Variants in C6 observed in about 807,000 individuals in gnomAD.
C6 encodes the protein complement component C6.
C6 carries 101 observed loss-of-function variants against 112.9 expected under a neutral mutation model. The observed-to-expected ratio is 0.89, with a 90% CI of 0.76 to 1.06. The LOEUF (loss-of-function observed/expected upper bound fraction) is 1.06, where lower values mean the gene tolerates loss of function less well. Among genes scored for constraint, C6 ranks in the 50% least tolerant of loss-of-function variants. The pLI is 0.00. For synonymous variants in C6, 431 were observed against 384.1 expected, an observed-to-expected ratio of 1.12 and a Z score of -1.43; for missense variants, 1,202 against 1,104.6, an observed-to-expected ratio of 1.09 and a Z score of -1.25.
intron 1 of C6, among the ~76,000 whole-genome samples, chr5:41,256,105 A>G (rs1008090438): frequency 6.6e-6 from 1 of 152,172 alleles, no homozygotes; most frequent in Non-Finnish European, 1.5e-5. Flanking sequence ...ATGTCCCTAC[A>G]AAGGACATGA....
At chr5:41,154,787 G>A (rs981450262) in intron 14 of C6, among the ~76,000 whole-genome samples, 185 bp downstream of exon 14, 7 of 152,146 alleles carry the variant, frequency 4.6e-5, no homozygotes, top group African/African-American at 1.7e-4. Flanking sequence ...GAAATATGGA[G>A]ATAATCTGGA....
At position 41,149,981 on chromosome 5, in the gene C6, G is replaced by T. The variant is rs754529564; in HGVS notation, c.2335C>A (p.Gln779Lys). The change falls in exon 16 of 18, where the codon CAA (glutamine) becomes AAA (lysine). Residue 779 changes from glutamine to lysine, a missense_variant. Physicochemically the swap from Gln to Lys is moderately conservative, Grantham distance 53. Coordinates refer to ENST00000337836, the MANE Select transcript of C6 (RefSeq NM_000065.5). ...LKGHCQLGQK[Q>K]SGSECICMSP... Reference sequence around the variant, plus strand: ...ATACAAATGCATTCAGATCCTGATTGTTTCTGTCCCAGCTGACAATGGCCT... The same window carrying T: ...ATACAAATGCATTCAGATCCTGATTTTTTCTGTCCCAGCTGACAATGGCCT... 1 of 1,613,186 alleles carries T rather than the reference G, an allele frequency of 6.2e-7. No individual in the cohort carries two copies. The highest frequency in any genetic ancestry group is 8.5e-7 in the Non-Finnish European group (1 of 1,179,304).
In C6 at chr5:41,178,443, T is replaced by G. The variant is rs531818193; in HGVS notation, c.928-1728A>C. ...AAGACTAAGAGAGGCTTCAGTAGTATTTTCTTTTTTCTTTTTCTTTTTCTT... is the reference window on the plus strand; with the variant it reads ...AAGACTAAGAGAGGCTTCAGTAGTAGTTTCTTTTTTCTTTTTCTTTTTCTT... On this transcript the variant is annotated intron_variant, in intron 7 of 17. Transcript: ENST00000337836. Among the ~76,000 whole-genome samples, 143 of 143,424 alleles carry G rather than the reference T, an allele frequency of 1.0e-3. 1 individual carries two copies. The highest frequency in any genetic ancestry group is 1.7e-3 in the Non-Finnish European group (115 of 67,624). The allele number at this position is 143,424 out of a possible 152,430, so 94.1% of individuals were successfully genotyped here.
chr5:41,157,435 G>A (rs1561103140), intron 13 of C6, among the ~76,000 whole-genome samples: 3 of 152,176 alleles, frequency 2.0e-5, no homozygotes, highest in African/African-American at 4.8e-5. Context: ...TCTATAAGTG[G>A]CCTGGATAGT....
chr5:41,160,102 G>A (rs1747330317), intron 11 of C6, 40 bp downstream of exon 11: 1 of 1,510,280 alleles, frequency 6.6e-7, no homozygotes. Context: ...TCTTTGGAGG[G>A]GAAAACTTAT....
chr5:41,190,298 G>A (rs1750098036), intron 5 of C6, among the ~76,000 whole-genome samples: 1 of 152,014 alleles, frequency 6.6e-6, no homozygotes, highest in African/African-American at 2.4e-5. Flanking sequence ...TTTGATAATA[G>A]TCATTTCAAC....
intron 1 of C6, among the ~76,000 whole-genome samples, chr5:41,210,892 T>C (rs1258249963): frequency 6.6e-6 from 1 of 152,194 alleles, no homozygotes; most frequent in African/African-American, 2.4e-5. Flanking sequence ...ACTGGGTATC[T>C]ACCCAAAGGA....
At chr5:41,167,629 A>G (rs1322773585) in intron 9 of C6, among the ~76,000 whole-genome samples, 1 of 152,136 alleles carries the variant, frequency 6.6e-6, no homozygotes. Flanking sequence ...TAGCTTTCAA[A>G]TTTTTTTGCA....
intron 1 of C6, among the ~76,000 whole-genome samples, chr5:41,229,040 G>T (rs916728898): frequency 6.6e-6 from 1 of 152,078 alleles, no homozygotes; most frequent in Non-Finnish European, 1.5e-5. Context: ...ACTTGAACCC[G>T]GGAGACGGAG....
rs1273850173 is a variant in C6 at position 41,254,027 on chromosome 5, CAT to C, written c.-21+7165_-21+7166del. Reference sequence around the variant, plus strand: ...CAGTTGGCCTTATTTATTAATAGTACATGTTTCTAGGAATAACTTATGTATAA... The same window carrying C: ...CAGTTGGCCTTATTTATTAATAGTACGTTTCTAGGAATAACTTATGTATAA... On this transcript the variant is annotated intron_variant, in intron 1 of 17. Transcript: ENST00000263413. Among the ~76,000 whole-genome samples the C allele has an allele frequency of 1.2e-4, 18 of 152,246 alleles. No homozygotes were observed. The East Asian group carries it at 3.3e-3, about 28-fold the overall frequency.
In C6 at chr5:41,158,784, C is replaced by A; in HGVS notation, c.1858G>T (p.Gly620Ter). ...TCGTCATCATTGATACATGGTTGTC[C>A]ACTAAAAGGGAAACATAAATATGTG... ...DCTFSIMENN[G>*]QPCINDDEEM... The change falls in exon 13 of 18, where the codon GGA becomes TGA. Residue 620 changes from glycine to a stop codon, truncating the protein, a stop_gained and splice_region_variant. Coordinates refer to ENST00000337836, the MANE Select transcript of C6 (RefSeq NM_000065.5). LOFTEE classifies it high-confidence loss of function. 1 of 1,522,958 alleles carries A rather than the reference C, an allele frequency of 6.6e-7. No individual in the cohort carries two copies. 94.3% of individuals were successfully genotyped at this position (1,522,958 alleles called of 1,614,324 possible).
intron 4 of C6, among the ~76,000 whole-genome samples, chr5:41,198,534 C>T (rs181915954): frequency 1.3e-5 from 2 of 152,026 alleles, no homozygotes; most frequent in Non-Finnish European, 2.9e-5. Flanking sequence ...GGAGTAGCAG[C>T]CGCTTAACAA....
chr5:41,200,033 T>A, intron 3 of C6, 121 bp from the exon 4 acceptor site: 1 of 857,618 alleles, frequency 1.2e-6, no homozygotes, highest in Non-Finnish European at 1.9e-6. Context: ...TCTTATATTT[T>A]TACTAATGAT....
chr5:41,210,937 C>A (rs190865885), intron 1 of C6, among the ~76,000 whole-genome samples: 45 of 152,276 alleles, frequency 3.0e-4, no homozygotes, highest in African/African-American at 1.1e-3. Context: ...CACATACATA[C>A]ATATGTTTAT....
At chr5:41,199,737 G>A (rs1256394194) in intron 4 of C6, 31 bp downstream of exon 4, 5 of 1,606,616 alleles carry the variant, frequency 3.1e-6, no homozygotes, top group Admixed American at 1.7e-5. Context: ...TATTTTTAGT[G>A]GGGACTGAAC....
chr5:41,179,293 T>TAAGG (rs1561134257), intron 7 of C6, among the ~76,000 whole-genome samples: 1 of 152,242 alleles, frequency 6.6e-6, no homozygotes, highest in Non-Finnish European at 1.5e-5. Flanking sequence ...TATCTACATA[T>TAAGG]AAGGGTTTTA....
chr5:41,226,670 C>G (rs549090981), intron 1 of C6, among the ~76,000 whole-genome samples: 2 of 152,214 alleles, frequency 1.3e-5, no homozygotes, highest in East Asian at 3.9e-4. Context: ...GCGGGTTCTA[C>G]TTTTTTAGAT....
At chr5:41,177,682 G>T (rs1334776449) in intron 7 of C6, among the ~76,000 whole-genome samples, 2 of 152,054 alleles carry the variant, frequency 1.3e-5, no homozygotes, top group African/African-American at 2.4e-5. Context: ...ATAATCCCAA[G>T]GATTGAAAAA....
At chr5:41,185,076 C>T (rs1334322008) in intron 6 of C6, among the ~76,000 whole-genome samples, 1 of 152,234 alleles carries the variant, frequency 6.6e-6, no homozygotes, top group Admixed American at 6.5e-5. Flanking sequence ...AAAGCAACTT[C>T]CATCAGAACA....
Sources: allele counts gnomAD v4.1 joint callset (sites outside exome capture counted in the v4.1 genomes callset), GRCh38; gene constraint gnomAD v4.1.1; transcripts MANE v1.5; gene names NCBI Gene and HGNC (gene_info 2026-07-23, HGNC 2026-07-21).